Variants in TBL1X observed in about 807,000 individuals in gnomAD.
TBL1X encodes F-box-like/WD repeat-containing protein TBL1X.
TBL1X carries 10 observed loss-of-function variants against 50.7 expected under a neutral mutation model. The ratio of observed to expected loss-of-function variants is 0.20; its 90% confidence interval spans 0.12 to 0.33. The LOEUF is 0.33. Among genes scored for constraint, TBL1X ranks in the 10% least tolerant of loss-of-function variants. TBL1X has a pLI of 1.00. For missense variants in TBL1X, 340 were observed against 504.4 expected (o/e 0.67, Z 3.12); for synonymous variants, 190 against 214.7 (o/e 0.88, Z 1.01).
intron 12 of TBL1X, among the ~76,000 whole-genome samples, chrX:9,698,602 A>C (rs1243386239): frequency 8.9e-6 from 1 of 111,860 alleles, no homozygotes; most frequent in Non-Finnish European, 1.9e-5. Flanking sequence ...GTAAGCACCC[A>C]GTGCCTAGTA....
chrX:9,463,842 C>G (rs772329583), upstream of TBL1X, among the ~76,000 whole-genome samples: 1 of 112,039 alleles, frequency 8.9e-6, no homozygotes, highest in Non-Finnish European at 1.9e-5. Flanking sequence ...TGCAATGAGC[C>G]GACAGCGCGC....
intron 2 of TBL1X, among the ~76,000 whole-genome samples, chrX:9,554,243 A>G (rs2082284434): frequency 8.9e-6 from 1 of 112,517 alleles, no homozygotes; most frequent in Non-Finnish European, 1.9e-5. Context: ...TGACAACAGA[A>G]AATTGAATTT....
At chrX:9,681,360 G>T (rs959748534) in intron 5 of TBL1X, among the ~76,000 whole-genome samples, 1 of 112,206 alleles carries the variant, frequency 8.9e-6, no homozygotes, top group Admixed American at 9.4e-5. Flanking sequence ...ATAGTCTACG[G>T]TTCACAGTTT....
chrX:9,649,545 G>A (rs1004748985), intron 3 of TBL1X, among the ~76,000 whole-genome samples: 2 of 112,251 alleles, frequency 1.8e-5, no homozygotes, highest in African/African-American at 6.5e-5. Flanking sequence ...GAAAGCCAGA[G>A]CTGAAGCAGA....
chrX:9,673,746 C>A (rs547238032), intron 5 of TBL1X, among the ~76,000 whole-genome samples: 2 of 112,439 alleles, frequency 1.8e-5, no homozygotes, highest in African/African-American at 6.5e-5. Context: ...TCCCCATCCA[C>A]AAATTCAACC....
chrX:9,533,182 T>C (rs892418335), intron 2 of TBL1X, among the ~76,000 whole-genome samples: 7 of 111,859 alleles, frequency 6.3e-5, no homozygotes, highest in African/African-American at 2.3e-4. Flanking sequence ...GGGTAAGAGG[T>C]AAAAGGAAGG....
Position 9,471,598 on chromosome X carries a change from T to C in TBL1X, c.-201+6151T>C, listed in dbSNP as rs189808569. Among the ~76,000 whole-genome samples the C allele has an allele frequency of 2.7e-5, 3 of 111,978 alleles. No homozygotes were observed. The East Asian group carries it at 8.4e-4, about 31-fold the overall frequency. On this transcript the variant is annotated intron_variant, in intron 1 of 17. Transcript: ENST00000645353. Reference sequence around the variant, plus strand: ...GATATTTTGGTAAACATTGATAAGTTAGTTGCGCATTTTAGTTCAGAAACC... The same window carrying C: ...GATATTTTGGTAAACATTGATAAGTCAGTTGCGCATTTTAGTTCAGAAACC...
intron 2 of TBL1X, among the ~76,000 whole-genome samples, chrX:9,630,509 A>G (rs1315947201): frequency 8.9e-6 from 1 of 112,656 alleles, no homozygotes; most frequent in Admixed American, 9.3e-5. Context: ...TAAATCGTAG[A>G]TTACTTGGAA....
At chrX:9,600,470 G>GGC (rs1555899105) in intron 2 of TBL1X, among the ~76,000 whole-genome samples, 2 of 51,288 alleles carry the variant, frequency 3.9e-5, no homozygotes, top group African/African-American at 1.8e-4. Flanking sequence ...TTTGGTGGGC[G>GGC]GGGGGGGGGG....
intron 2 of TBL1X, among the ~76,000 whole-genome samples, chrX:9,622,187 C>T (rs1457660635): frequency 1.8e-5 from 2 of 110,068 alleles, no homozygotes; most frequent in East Asian, 5.7e-4. Flanking sequence ...GTAAAATGCA[C>T]ATAACATTAC....
intron 2 of TBL1X, among the ~76,000 whole-genome samples, chrX:9,562,760 A>G (rs1335683955): frequency 3.4e-5 from 3 of 89,218 alleles, no homozygotes; most frequent in Admixed American, 1.1e-4. Flanking sequence ...TTCAAAGCAG[A>G]AAAAAAAAAA....
At chrX:9,474,050 T>G (rs2081834135) in intron 1 of TBL1X, among the ~76,000 whole-genome samples, 1 of 112,659 alleles carries the variant, frequency 8.9e-6, no homozygotes, top group Admixed American at 9.4e-5. Flanking sequence ...TTTCAGATTT[T>G]AATTCCCAAA....
At position 9,498,851 on chromosome X, in the gene TBL1X, A is replaced by C. The variant is rs139050258; in HGVS notation, c.-200-2929A>C. Among the ~76,000 whole-genome samples, 935 of 112,216 alleles carry C rather than the reference A, an allele frequency of 8.3e-3. 9 individuals carry two copies. Among genetic ancestry groups the C allele is most frequent in the African/African-American group, 0.029 (885 of 30,885 alleles). On this transcript the variant is annotated intron_variant, in intron 1 of 17. Transcript: ENST00000645353. ...TGCACAGTGCTGAGATCTGAGCCCA[A>C]GGCAGTTGGGACATTAATGATGAGA... is the stretch of plus-strand genomic sequence containing the variant.
rs190827321 is a variant in TBL1X, at chrX:9,717,107, C to T, written c.*861C>T. On this transcript the variant is annotated 3_prime_UTR_variant, in exon 18 of 18. Transcript: ENST00000645353. ...CTTTCTCTCTCTCTCTCCCTCTGTA[C>T]CTTTCTCATAGTTGCTTCAGATCTT... The T allele has an allele frequency of 0.011, 1,216 of 109,330 alleles. 5 individuals carry two copies. The highest frequency in any genetic ancestry group is 0.023 in the Middle Eastern group (5 of 219). The allele number at this position is 109,330 out of a possible 1,213,427, so 9.0% of individuals were successfully genotyped here.
At chrX:9,479,938 A>ATGAGTGTGTGTGTGTGTGTG (rs2081870983) in intron 1 of TBL1X, among the ~76,000 whole-genome samples, 1 of 94,988 alleles carries the variant, frequency 1.1e-5, no homozygotes, top group Admixed American at 1.2e-4. Flanking sequence ...GGAAAGTAGA[A>ATGAGTGTGTGTGTGTGTGTG]TGTGTGTGTG....
intron 2 of TBL1X, among the ~76,000 whole-genome samples, chrX:9,574,459 G>GAAAAAAAAAAAAAAAAAAA (rs376384853): frequency 3.3e-5 from 1 of 30,133 alleles, no homozygotes. Context: ...TGTCTCAAAT[G>GAAAAAAAAAAAAAAAAAAA]AAAAAAAAAA....
intron 2 of TBL1X, among the ~76,000 whole-genome samples, chrX:9,593,770 G>T (rs1039447219): frequency 5.4e-5 from 6 of 110,817 alleles, no homozygotes; most frequent in Admixed American, 4.8e-4. Flanking sequence ...CATTTCCGTG[G>T]CCAGCCGCCT....
In TBL1X at chrX:9,684,170, C is replaced by T. The variant is rs753813311; in HGVS notation, c.339C>T (p.Ala113=). The T allele has an allele frequency of 9.8e-5, 119 of 1,210,190 alleles. No homozygotes were observed. Among genetic ancestry groups the T allele is most frequent in the Non-Finnish European group, 1.3e-4 (116 of 895,281 alleles). Residue 113 remains alanine (A), a synonymous_variant, in exon 6 of 18, where the codon GCC becomes GCT. Transcript: ENST00000645353. ...ILQKGLQYVE[A]EISINEDGTV... ...AGAAGGGCCTGCAGTATGTAGAGGC[C>T]GAGATCAGTATCAACGAGGTACGTA...
At chrX:9,480,338 C>T (rs890413787) in intron 1 of TBL1X, among the ~76,000 whole-genome samples, 3 of 111,594 alleles carry the variant, frequency 2.7e-5, no homozygotes, top group African/African-American at 9.8e-5. Context: ...TTGTCTGGTT[C>T]GGAGGATTTT....
Sources: allele counts gnomAD v4.1 joint callset (sites outside exome capture counted in the v4.1 genomes callset), GRCh38; gene constraint gnomAD v4.1.1; transcripts MANE v1.5; gene names NCBI Gene and HGNC (gene_info 2026-07-23, HGNC 2026-07-21).